The following AMBRA1 variants were observed in gnomAD, a reference collection of about 807,000 sequenced individuals.
AMBRA1 encodes activating molecule in BECN1-regulated autophagy protein 1.
In AMBRA1, 47 loss-of-function variants were observed where a neutral mutation model predicts 125.4. That is an observed-to-expected ratio of 0.37 (90% CI 0.30 to 0.48). The LOEUF is 0.48. AMBRA1 is among the 20% of genes least tolerant of loss of function. The probability of loss-of-function intolerance (pLI) is 0.99; values close to 1 mark genes in which losing one functional copy is unlikely to be tolerated. For missense variants in AMBRA1, 1,331 were observed against 1,693.4 expected (o/e 0.79, Z 3.76); for synonymous variants, 626 against 655.5 (o/e 0.95, Z 0.69).
intron 5 of AMBRA1, among the ~76,000 whole-genome samples, chr11:46,545,073 C>CT (rs900494474): frequency 2.1e-5 from 3 of 141,452 alleles, no homozygotes; most frequent in African/African-American, 7.9e-5. Flanking sequence ...GCTGCAGTAA[C>CT]TTGGGCCCAT....
intron 7 of AMBRA1, among the ~76,000 whole-genome samples, chr11:46,516,159 T>A (rs181395358): frequency 2.9e-4 from 44 of 152,312 alleles, no homozygotes; most frequent in Non-Finnish European, 4.6e-4. Flanking sequence ...TTGGCAACAT[T>A]TGCTGCCCAG....
chr11:46,572,804 G>A (rs1029867000), intron 1 of AMBRA1, among the ~76,000 whole-genome samples: 11 of 152,088 alleles, frequency 7.2e-5, no homozygotes, highest in Admixed American at 7.2e-4. Flanking sequence ...TTAAAAATAA[G>A]TATTCTGAGC....
chr11:46,485,335 C>T (rs17787804), intron 11 of AMBRA1, among the ~76,000 whole-genome samples: 64,498 of 152,160 alleles, frequency 0.42, 18,303 homozygotes, highest in African/African-American at 0.81. Flanking sequence ...CACTTACTCA[C>T]GCTTATAGTC....
rs560635818 is a variant in AMBRA1 at position 46,402,974 on chromosome 11, A to G, written c.3404-5031T>C. On this transcript the variant is annotated intron_variant, in intron 17 of 17. Coordinates refer to ENST00000683756, the MANE Select transcript of AMBRA1 (RefSeq NM_001387011.1). ...CTTCAAGAGAAAAAATACCAGGGCT[A>G]GAGGGAAATGGCAGTTACAGTCAGG... 2.0e-5 allele frequency among the ~76,000 whole-genome samples: 3 copies of G among 152,312 alleles called. No homozygotes were observed. In the South Asian group the frequency reaches 6.2e-4, roughly 32 times the overall value.
intron 11 of AMBRA1, among the ~76,000 whole-genome samples, chr11:46,464,056 A>T (rs1015333826): frequency 6.6e-6 from 1 of 152,208 alleles, no homozygotes; most frequent in Non-Finnish European, 1.5e-5. Flanking sequence ...TGTTCAAAAG[A>T]TAAGTGGGGA....
chr11:46,407,328 G>C (rs1269722336), intron 17 of AMBRA1, among the ~76,000 whole-genome samples: 1 of 152,238 alleles, frequency 6.6e-6, no homozygotes, highest in East Asian at 1.9e-4. Context: ...CTCCTACTGA[G>C]AGGGCTGGCC....
chr11:46,397,548 T>C lies in AMBRA1; in HGVS notation c.3799A>G (p.Thr1267Ala). The C allele has an allele frequency of 6.4e-7, 1 of 1,559,512 alleles. No individual in the cohort carries two copies. The highest frequency in any genetic ancestry group is 8.7e-7 in the Non-Finnish European group (1 of 1,150,448). ...TTATTGGTCAACTCGCAGTGGAGGG[T>C]TGGTCCCTCAGCGCTGGGAAGGGAA... Reference protein sequence around the residue: ...PVSLPSAEGPTLHCELTNNNH... With the variant: ...PVSLPSAEGPALHCELTNNNH... The change falls in exon 18 of 18, where the codon ACC becomes GCC. Residue 1267 changes from threonine (T) to alanine (A), a missense_variant. Thr to Ala is a moderately conservative substitution (Grantham distance 58). Coordinates refer to ENST00000683756, the MANE Select transcript of AMBRA1 (RefSeq NM_001387011.1).
At position 46,575,512 on chromosome 11, in the gene AMBRA1, C is replaced by CTT. The variant is rs775796043; in HGVS notation, c.-121+18314_-121+18315dup. ...CAACAGAAATTTGTTTTTTTCTTTC[C>CTT]TTTTTTTTTTTTTTTTTTTTTTGAG... On this transcript the variant is annotated intron_variant, in intron 1 of 17. Transcript: ENST00000683756. 5.0e-3 allele frequency among the ~76,000 whole-genome samples: 505 copies of CTT among 100,392 alleles called. 1 individual carries two copies. Among genetic ancestry groups the CTT allele is most frequent in the Non-Finnish European group, 7.0e-3 (358 of 51,078 alleles). The allele number at this position is 100,392 out of a possible 152,430, so 65.9% of individuals were successfully genotyped here. A position where few individuals can be genotyped will look rare whatever the true frequency, so the allele number is the denominator to read the frequency against.
chr11:46,568,563 A>T (rs949732448), intron 1 of AMBRA1, among the ~76,000 whole-genome samples: 1 of 151,950 alleles, frequency 6.6e-6, no homozygotes, highest in African/African-American at 2.4e-5. Flanking sequence ...ACCTGAGGTC[A>T]GGAGTTTGAG....
chr11:46,583,442 A>C (rs554735978), intron 1 of AMBRA1, among the ~76,000 whole-genome samples: 2 of 151,512 alleles, frequency 1.3e-5, no homozygotes, highest in African/African-American at 4.8e-5. Context: ...TAGGCATGGG[A>C]AAGGACTTCA....
chr11:46,426,251 G>A (rs1016088247), intron 14 of AMBRA1, among the ~76,000 whole-genome samples: 7 of 152,090 alleles, frequency 4.6e-5, no homozygotes, highest in Non-Finnish European at 1.0e-4. Flanking sequence ...GGGCACATGA[G>A]ATTTCAAAGT....
intron 14 of AMBRA1, among the ~76,000 whole-genome samples, chr11:46,430,680 A>C (rs1221439905): frequency 1.3e-5 from 2 of 152,198 alleles, no homozygotes; most frequent in Admixed American, 6.5e-5. Flanking sequence ...TCTTAAAATA[A>C]ATCAATGCTC....
At chr11:46,591,879 C>A (rs1435913586) in intron 1 of AMBRA1, among the ~76,000 whole-genome samples, 1 of 151,310 alleles carries the variant, frequency 6.6e-6, no homozygotes, top group East Asian at 2.0e-4. Flanking sequence ...CACAAAAAAA[C>A]GCTCTCTTAC....
intron 8 of AMBRA1, among the ~76,000 whole-genome samples, chr11:46,509,992 C>T (rs1440999405): frequency 6.6e-6 from 1 of 152,146 alleles, no homozygotes; most frequent in Admixed American, 6.5e-5. Context: ...TCACAGTCAA[C>T]TGCAGTCAAC....
intron 1 of AMBRA1, among the ~76,000 whole-genome samples, chr11:46,575,281 A>C (rs1375290483): frequency 6.6e-6 from 1 of 151,980 alleles, no homozygotes; most frequent in Non-Finnish European, 1.5e-5. Flanking sequence ...AACATGGTGT[A>C]ATCCCATCTC....
intron 11 of AMBRA1, among the ~76,000 whole-genome samples, chr11:46,454,822 G>A (rs1948780201): frequency 6.6e-6 from 1 of 150,674 alleles, no homozygotes; most frequent in Non-Finnish European, 1.5e-5. Flanking sequence ...GCAGTAGATA[G>A]AGCCTTCTTA....
At chr11:46,565,780 T>C (rs996676073) in intron 1 of AMBRA1, among the ~76,000 whole-genome samples, 1 of 152,060 alleles carries the variant, frequency 6.6e-6, no homozygotes, top group Non-Finnish European at 1.5e-5. Flanking sequence ...AATTCAGATT[T>C]TTTTTTTCAG....
chr11:46,433,468 A>T lies in AMBRA1; in HGVS notation c.2976+6T>A. 2 of 1,613,620 alleles carry T rather than the reference A, an allele frequency of 1.2e-6. No individual in the cohort carries two copies. Among genetic ancestry groups the T allele is most frequent in the Non-Finnish European group, 1.7e-6 (2 of 1,179,738 alleles). On this transcript the variant is annotated splice_donor_region_variant and intron_variant, in intron 14 of 17. Coordinates refer to ENST00000683756, the MANE Select transcript of AMBRA1 (RefSeq NM_001387011.1). ...ATACAGTGAAGGCACAAGCAATGGCACTCACCCTCATGGAGGTCTCTCCAC... is the reference window on the plus strand; with the variant it reads ...ATACAGTGAAGGCACAAGCAATGGCTCTCACCCTCATGGAGGTCTCTCCAC...
At position 46,397,695 on chromosome 11, in the gene AMBRA1, C is replaced by A. The variant is rs781305322; in HGVS notation, c.3652G>T (p.Ala1218Ser). 2 of 1,612,922 alleles carry A rather than the reference C, an allele frequency of 1.2e-6. No individual in the cohort carries two copies. Among genetic ancestry groups the A allele is most frequent in the Admixed American group, 1.7e-5 (1 of 59,998 alleles). The change falls in exon 18 of 18, where the codon GCC (alanine) becomes TCC (serine). Residue 1218 changes from alanine to serine, a missense_variant. Around this residue, in one of 4 missense-constraint regions of AMBRA1, gnomAD observed 144 missense variants for 133.9 expected, o/e 1.08. Coordinates refer to ENST00000683756, the MANE Select transcript of AMBRA1 (RefSeq NM_001387011.1). Reference sequence around the variant, plus strand: ...AGGCCTCGCTCTGCCAGTTGCCCGGCCTCTGGGAGCAGTCCCCGAGAGGTG... The same window carrying A: ...AGGCCTCGCTCTGCCAGTTGCCCGGACTCTGGGAGCAGTCCCCGAGAGGTG... ...PSTSRGLLPE[A>S]GQLAERGLSP...
Sources: gnomAD v4.1 joint callset for allele counts (sites outside exome capture counted in the v4.1 genomes callset) on GRCh38, gnomAD v4.1.1 for gene constraint, gnomAD v4.1.1 regional missense constraint, MANE v1.5 for transcripts, NCBI Gene and HGNC (gene_info 2026-07-23, HGNC 2026-07-21) for gene names.